The following TENM4 variants were observed in gnomAD, a reference collection of about 807,000 sequenced individuals.
TENM4 encodes teneurin-4.
Under a neutral mutation model 243.3 loss-of-function variants are expected in TENM4, and 82 were observed. The observed-to-expected ratio is 0.34, with a 90% CI of 0.28 to 0.40. The LOEUF is 0.40. TENM4 is among the 10% of genes least tolerant of loss of function. The pLI is 1.00. For synonymous variants in TENM4, 1,412 were observed against 1,456.3 expected (o/e 0.97, Z 0.69); for missense variants, 3,138 against 3,673.3 (o/e 0.85, Z 3.77).
intron 6 of TENM4, chr11:78,962,183 T>C (rs537534538): frequency 6.6e-6 from 1 of 152,402 alleles, no homozygotes; most frequent in Non-Finnish European, 1.5e-5. Context: ...CACTTTTAAC[T>C]AAGAATGAAT....
chr11:79,328,396 G>A lies in TENM4; in HGVS notation c.-320-30853C>T, dbSNP rs1293514474. ...GAGTGCTTTGTCTTTGTAACCCTCA[G>A]AAGCCTCAGAAAATCACAGCAGCTG... On this transcript the variant is annotated intron_variant, in intron 1 of 33. Coordinates refer to ENST00000278550, the MANE Select transcript of TENM4 (RefSeq NM_001098816.3). Among the ~76,000 whole-genome samples, 3 of 152,162 alleles carry A rather than the reference G, an allele frequency of 2.0e-5. 1 individual carries two copies. Among genetic ancestry groups the A allele is most frequent in the Non-Finnish European group, 4.4e-5 (3 of 68,028 alleles).
intron 6 of TENM4, among the ~76,000 whole-genome samples, chr11:78,988,819 C>T (rs1565156687): frequency 6.6e-6 from 1 of 152,198 alleles, no homozygotes; most frequent in Non-Finnish European, 1.5e-5. Context: ...GGACTACAGG[C>T]ATGTGCCACC....
intron 4 of TENM4, among the ~76,000 whole-genome samples, chr11:79,079,831 CAAAA>C (rs34296723): frequency 2.6e-5 from 3 of 114,640 alleles, no homozygotes; most frequent in African/African-American, 6.3e-5. Flanking sequence ...CACTTTGTTT[CAAAA>C]AAAAAAAAAA....
intron 5 of TENM4, 95 bp downstream of exon 5, chr11:79,069,627 T>TGCCACGCCCACGTGC (rs1565190980): frequency 1.4e-6 from 2 of 1,435,364 alleles, no homozygotes; most frequent in Non-Finnish European, 1.8e-6. Context: ...AGCTCACCTG[T>TGCCACGCCCACGTGC]GCCACGCCCA....
At chr11:79,321,203 C>T (rs186095723) in intron 1 of TENM4, among the ~76,000 whole-genome samples, 3 of 152,166 alleles carry the variant, frequency 2.0e-5, no homozygotes, top group African/African-American at 7.2e-5. Flanking sequence ...TCTCATCCAG[C>T]CTGGACACAC....
At chr11:79,122,088 G>A (rs1348136075) in intron 4 of TENM4, among the ~76,000 whole-genome samples, 1 of 152,120 alleles carries the variant, frequency 6.6e-6, no homozygotes, top group Non-Finnish European at 1.5e-5. Flanking sequence ...TGGTTGGTGA[G>A]GGGTTTGTGG....
intron 2 of TENM4, among the ~76,000 whole-genome samples, chr11:79,287,778 TC>T (rs1856282833): frequency 6.6e-6 from 1 of 152,214 alleles, no homozygotes; most frequent in South Asian, 2.1e-4. Context: ...GATTCTAGAT[TC>T]TTCCCTAGGC....
At chr11:79,023,121 A>T (rs1858977889) in intron 6 of TENM4, among the ~76,000 whole-genome samples, 1 of 152,194 alleles carries the variant, frequency 6.6e-6, no homozygotes, top group Non-Finnish European at 1.5e-5. Flanking sequence ...TTATTTAAAA[A>T]ATTTATTCAT....
chr11:79,114,957 C>G (rs112003286), intron 4 of TENM4, among the ~76,000 whole-genome samples: 9 of 152,160 alleles, frequency 5.9e-5, no homozygotes, highest in African/African-American at 2.2e-4. Context: ...GAGCACTCTT[C>G]TAGGCTCTAG....
chr11:78,687,406 T>G (rs1445830646), intron 29 of TENM4, among the ~76,000 whole-genome samples: 4 of 152,198 alleles, frequency 2.6e-5, no homozygotes, highest in Non-Finnish European at 4.4e-5. Flanking sequence ...CAGGAAAGAA[T>G]CAGGCAGAGC....
At chr11:78,961,251 C>T (rs1288951091) in intron 6 of TENM4, among the ~76,000 whole-genome samples, 9 of 152,224 alleles carry the variant, frequency 5.9e-5, no homozygotes, top group Non-Finnish European at 1.2e-4. Flanking sequence ...CTTCTCCAAA[C>T]ATCAGGAAAT....
At chr11:79,070,120 G>A in intron 4 of TENM4, 111 bp from the exon 5 acceptor site, 3 of 1,321,080 alleles carry the variant, frequency 2.3e-6, no homozygotes, top group Non-Finnish European at 3.0e-6. Flanking sequence ...CCCAGGCAGT[G>A]GAGGAGAGGG....
At chr11:78,753,608 G>A (rs1306475433) in intron 19 of TENM4, among the ~76,000 whole-genome samples, 1 of 152,192 alleles carries the variant, frequency 6.6e-6, no homozygotes, top group African/African-American at 2.4e-5. Flanking sequence ...ACAGGAATCT[G>A]TTTGGGGGTC....
chr11:79,332,348 G>A (rs1399740917), intron 1 of TENM4, among the ~76,000 whole-genome samples: 1 of 152,090 alleles, frequency 6.6e-6, no homozygotes, highest in Non-Finnish European at 1.5e-5. Flanking sequence ...CAAACCAAAT[G>A]GCTTCAGAGG....
chr11:78,671,230 G>A (rs1858316863), intron 31 of TENM4, among the ~76,000 whole-genome samples: 1 of 152,200 alleles, frequency 6.6e-6, no homozygotes, highest in Non-Finnish European at 1.5e-5. Context: ...GTGGCCCTGG[G>A]AAAGTTCTTC....
At chr11:79,058,207 C>T (rs1463539155) in intron 6 of TENM4, among the ~76,000 whole-genome samples, 8 of 152,108 alleles carry the variant, frequency 5.3e-5, no homozygotes, top group Non-Finnish European at 8.8e-5. Flanking sequence ...CTAACATGAA[C>T]GTGTCTCTAT....
At chr11:78,824,147 T>C (rs1857798177) in intron 12 of TENM4, among the ~76,000 whole-genome samples, 1 of 152,180 alleles carries the variant, frequency 6.6e-6, no homozygotes, top group South Asian at 2.1e-4. Flanking sequence ...GCTGTATTAG[T>C]CTGTCCTCAT....
At chr11:78,820,050 G>C (rs138062886) in intron 12 of TENM4, among the ~76,000 whole-genome samples, 1 of 152,120 alleles carries the variant, frequency 6.6e-6, no homozygotes, top group Non-Finnish European at 1.5e-5. Flanking sequence ...CATCCCCTTT[G>C]CTCCTGAAAT....
chr11:79,226,156 A>G (rs1240741622), intron 2 of TENM4, among the ~76,000 whole-genome samples: 1 of 152,182 alleles, frequency 6.6e-6, no homozygotes, highest in Non-Finnish European at 1.5e-5. Flanking sequence ...TTTCTTCCCA[A>G]TCCAAACACA....
Sources: gnomAD v4.1 joint callset for allele counts (sites outside exome capture counted in the v4.1 genomes callset) on GRCh38, gnomAD v4.1.1 for gene constraint, MANE v1.5 for transcripts, NCBI Gene and HGNC (gene_info 2026-07-23, HGNC 2026-07-21) for gene names.